The following CERS6 variants were observed in gnomAD, a reference collection of about 807,000 sequenced individuals.
CERS6 encodes the protein ceramide synthase 6, also known as LAG1 homolog, ceramide synthase 6.
Under a neutral mutation model 56.8 loss-of-function variants are expected in CERS6, and 26 were observed. That is an observed-to-expected ratio of 0.46 (90% confidence interval 0.34 to 0.63). CERS6 has a LOEUF of 0.63. CERS6 is among the 30% of genes least tolerant of loss of function. The pLI is 0.01. For synonymous variants in CERS6, 164 were observed against 173.3 expected (o/e 0.95, Z 0.42); for missense variants, 415 against 467.5 (o/e 0.89, Z 1.04).
intron 6 of CERS6, among the ~76,000 whole-genome samples, chr2:168,710,545 G>A (rs531486411): frequency 1.2e-4 from 19 of 152,304 alleles, no homozygotes; most frequent in South Asian, 1.0e-3. Context: ...TAAGCTCTAC[G>A]TTAATGGATC....
intron 2 of CERS6, among the ~76,000 whole-genome samples, chr2:168,556,097 A>G (rs947294441): frequency 1.3e-5 from 2 of 152,136 alleles, no homozygotes; most frequent in Non-Finnish European, 2.9e-5. Context: ...TACTCTTAAC[A>G]GGAGATAATT....
intron 3 of CERS6, among the ~76,000 whole-genome samples, chr2:168,621,012 C>A (rs921270714): frequency 6.6e-6 from 1 of 152,114 alleles, no homozygotes. Flanking sequence ...GTCTGCCCAG[C>A]TGGGGAAATT....
chr2:168,487,575 A>G (rs570434137), intron 1 of CERS6, among the ~76,000 whole-genome samples: 1 of 152,238 alleles, frequency 6.6e-6, no homozygotes, highest in Admixed American at 6.5e-5. Flanking sequence ...GCTTATCTGT[A>G]TACTGTATAA....
intron 6 of CERS6, among the ~76,000 whole-genome samples, chr2:168,705,217 G>C (rs1449087119): frequency 6.6e-6 from 1 of 152,126 alleles, no homozygotes; most frequent in Non-Finnish European, 1.5e-5. Flanking sequence ...TTATAGGGTT[G>C]TTGTTAAGAA....
At chr2:168,756,104 C>CAGGGAGGAGCACACAAATGT (rs1559082099) in intron 8 of CERS6, among the ~76,000 whole-genome samples, 1 of 152,190 alleles carries the variant, frequency 6.6e-6, no homozygotes, top group Non-Finnish European at 1.5e-5. Flanking sequence ...CCTAGCCCTT[C>CAGGGAGGAGCACACAAATGT]AGGGAGGAGC....
chr2:168,533,855 A>G (rs1695210625), intron 1 of CERS6, among the ~76,000 whole-genome samples: 2 of 152,002 alleles, frequency 1.3e-5, no homozygotes, highest in Admixed American at 6.6e-5. Flanking sequence ...TAGGTACTCC[A>G]GTCAATCATT....
intron 4 of CERS6, among the ~76,000 whole-genome samples, chr2:168,633,195 AAAG>A (rs1208439747): frequency 2.6e-5 from 4 of 151,234 alleles, no homozygotes; most frequent in Non-Finnish European, 4.4e-5. Flanking sequence ...AAAGGAAAGG[AAAG>A]AAGAACTAGA....
chr2:168,678,528 C>T (rs530463363), intron 4 of CERS6, among the ~76,000 whole-genome samples: 3 of 152,184 alleles, frequency 2.0e-5, no homozygotes, highest in Non-Finnish European at 4.4e-5. Context: ...CCTCTACCTT[C>T]ATAATATGTT....
chr2:168,581,413 T>TA (rs1378733965), intron 3 of CERS6, among the ~76,000 whole-genome samples: 2 of 152,216 alleles, frequency 1.3e-5, no homozygotes, highest in African/African-American at 4.8e-5. Context: ...TTTCTGTAAT[T>TA]ACAGTTAAAT....
intron 8 of CERS6, among the ~76,000 whole-genome samples, chr2:168,753,145 A>G (rs934392127): frequency 1.3e-5 from 2 of 152,242 alleles, no homozygotes; most frequent in African/African-American, 4.8e-5. Context: ...GAGAAATAAG[A>G]TAACTCGCAT....
At chr2:168,766,300 C>T (rs1161028997) in intron 9 of CERS6, 2 of 1,597,176 alleles carry the variant, frequency 1.3e-6, no homozygotes, top group Non-Finnish European at 8.5e-7. Context: ...TGTTTGTTCT[C>T]TTCCTTCTGC....
intron 4 of CERS6, among the ~76,000 whole-genome samples, chr2:168,663,346 A>AAT (rs1356580008): frequency 6.6e-6 from 1 of 152,238 alleles, no homozygotes; most frequent in Non-Finnish European, 1.5e-5. Flanking sequence ...GTCATAGGAA[A>AAT]ATATAAAGGC....
chr2:168,709,142 A>G (rs868511016), intron 6 of CERS6, among the ~76,000 whole-genome samples: 1 of 152,138 alleles, frequency 6.6e-6, no homozygotes, highest in Non-Finnish European at 1.5e-5. Context: ...AAATTCCCCT[A>G]GAGAACCGAA....
chr2:168,625,289 T>A (rs898309676), intron 3 of CERS6, among the ~76,000 whole-genome samples: 5 of 152,192 alleles, frequency 3.3e-5, no homozygotes, highest in Admixed American at 1.3e-4. Context: ...CAGAGTTGAC[T>A]ATTTTTTATT....
At chr2:168,567,664 A>G (rs1282443746) in intron 3 of CERS6, among the ~76,000 whole-genome samples, 3 of 152,222 alleles carry the variant, frequency 2.0e-5, no homozygotes, top group Admixed American at 6.5e-5. Context: ...GGGTTATAAT[A>G]CTATTTGTGG....
intron 1 of CERS6, among the ~76,000 whole-genome samples, chr2:168,531,991 A>AT (rs1197515083): frequency 1.3e-5 from 2 of 152,110 alleles, no homozygotes; most frequent in Non-Finnish European, 2.9e-5. Context: ...GGTAGATTTT[A>AT]TTGTCTTCAT....
rs61031993 is a variant in CERS6 at position 168,559,733 on chromosome 2, T to TTATATA, written c.277-1459_277-1458insTATATA. On this transcript the variant is annotated intron_variant, in intron 2 of 9. Transcript: ENST00000305747. ...TGCTTGAGCTGCTTTTAGAAAGGTATCATATATATATATATATATATTTCA... is the reference window on the plus strand; with the variant it reads ...TGCTTGAGCTGCTTTTAGAAAGGTATTATATACATATATATATATATATATATTTCA... Among the ~76,000 whole-genome samples the TTATATA allele has an allele frequency of 4.2e-3, 279 of 66,228 alleles. 52 individuals carry two copies. The highest frequency in any genetic ancestry group is 8.5e-3 in the South Asian group (12 of 1,408). The allele number at this position is 66,228 out of a possible 152,430, so 43.4% of individuals were successfully genotyped here.
At chr2:168,548,307 G>A (rs1196597422) in intron 2 of CERS6, among the ~76,000 whole-genome samples, 1 of 152,136 alleles carries the variant, frequency 6.6e-6, no homozygotes, top group East Asian at 1.9e-4. Flanking sequence ...AACTAGGAGT[G>A]GGAGGAAGGG....
chr2:168,525,637 A>G (rs1280345792), intron 1 of CERS6, among the ~76,000 whole-genome samples: 4 of 152,250 alleles, frequency 2.6e-5, no homozygotes, highest in East Asian at 1.9e-4. Flanking sequence ...AAAGTCCTAT[A>G]CAACGGCCCG....
Sources: gnomAD v4.1 joint callset for allele counts (sites outside exome capture counted in the v4.1 genomes callset) on GRCh38, gnomAD v4.1.1 for gene constraint, MANE v1.5 for transcripts, NCBI Gene and HGNC (gene_info 2026-07-23, HGNC 2026-07-21) for gene names.